The following DLGAP1 variants were observed in gnomAD, a reference collection of about 807,000 sequenced individuals.
DLGAP1 encodes DLG associated protein 1, also known as disks large-associated protein 1.
In DLGAP1, 11 loss-of-function variants were observed where a neutral mutation model predicts 90.8. The observed-to-expected ratio is 0.12, with a 90% CI of 0.08 to 0.20. DLGAP1 has a LOEUF of 0.20. DLGAP1 is among the 10% of genes least tolerant of loss of function. The probability of loss-of-function intolerance (pLI) is 1.00; values close to 1 mark genes in which losing one functional copy is unlikely to be tolerated. For missense variants in DLGAP1, 1,050 were observed against 1,333.8 expected, an observed-to-expected ratio of 0.79 and a Z score of 3.31; for synonymous variants, 558 against 540.7, an observed-to-expected ratio of 1.03 and a Z score of -0.44.
chr18:3,589,602 TC>T (rs1362318027), intron 7 of DLGAP1, among the ~76,000 whole-genome samples: 2 of 152,160 alleles, frequency 1.3e-5, no homozygotes, highest in African/African-American at 4.8e-5. Context: ...TATGCAGATG[TC>T]CCAGAGTCAA....
chr18:4,113,309 G>T (rs2076006025), intron 2 of DLGAP1, among the ~76,000 whole-genome samples: 1 of 152,122 alleles, frequency 6.6e-6, no homozygotes, highest in African/African-American at 2.4e-5. Flanking sequence ...ATTCTGAATG[G>T]TGTGAGATGG....
intron 10 of DLGAP1, among the ~76,000 whole-genome samples, chr18:3,516,096 T>C (rs1178245424): frequency 6.6e-6 from 1 of 152,186 alleles, no homozygotes; most frequent in Non-Finnish European, 1.5e-5. Flanking sequence ...AACCCCTCAG[T>C]CATCCACGAA....
At position 4,357,983 on chromosome 18, in the gene DLGAP1, T is replaced by C. The variant is rs140722430; in HGVS notation, c.-267+97023A>G. On this transcript the variant is annotated intron_variant, in intron 1 of 12. Transcript: ENST00000315677. ...AGATTATAAATATTTACATCTGTGC[T>C]TGCCCAAGGCTGGAGCTTATAACTC... 2.6e-3 allele frequency among the ~76,000 whole-genome samples: 394 copies of C among 152,352 alleles called. 2 individuals carry two copies. Among genetic ancestry groups the C allele is most frequent in the African/African-American group, 9.1e-3 (377 of 41,584 alleles).
intron 2 of DLGAP1, among the ~76,000 whole-genome samples, chr18:4,111,922 G>T (rs2075980017): frequency 6.7e-6 from 1 of 150,180 alleles, no homozygotes; most frequent in Non-Finnish European, 1.5e-5. Flanking sequence ...TTTTGTTTTT[G>T]TTTTTTATTT....
At chr18:4,137,225 T>C (rs2076419729) in intron 2 of DLGAP1, among the ~76,000 whole-genome samples, 1 of 152,216 alleles carries the variant, frequency 6.6e-6, no homozygotes, top group Non-Finnish European at 1.5e-5. Flanking sequence ...ACAAAGGACA[T>C]GAACTCATCA....
chr18:4,283,071 C>T (rs1260360844), intron 1 of DLGAP1, among the ~76,000 whole-genome samples: 1 of 152,116 alleles, frequency 6.6e-6, no homozygotes, highest in Non-Finnish European at 1.5e-5. Context: ...AGATTGCAGG[C>T]TCAATATTAG....
chr18:3,683,907 A>C (rs1363476830), intron 7 of DLGAP1, among the ~76,000 whole-genome samples: 1 of 152,088 alleles, frequency 6.6e-6, no homozygotes, highest in Non-Finnish European at 1.5e-5. Flanking sequence ...TTAATGAAAA[A>C]ATTTCATCTT....
intron 1 of DLGAP1, among the ~76,000 whole-genome samples, chr18:4,304,392 A>G (rs929733241): frequency 1.3e-5 from 2 of 152,210 alleles, no homozygotes; most frequent in African/African-American, 2.4e-5. Flanking sequence ...TATTCAAAAA[A>G]TTTTCAAACA....
intron 1 of DLGAP1, among the ~76,000 whole-genome samples, chr18:4,220,928 T>C (rs1181434838): frequency 6.6e-6 from 1 of 152,182 alleles, no homozygotes. Flanking sequence ...ACTGTGCTTT[T>C]TCTATGTTTA....
At chr18:3,917,395 G>A (rs1317605611) in intron 3 of DLGAP1, among the ~76,000 whole-genome samples, 2 of 152,294 alleles carry the variant, frequency 1.3e-5, no homozygotes, top group East Asian at 3.9e-4. Flanking sequence ...GAAAGCACTG[G>A]ACGTGAGTCT....
chr18:4,130,807 G>C (rs1420905839), intron 2 of DLGAP1, among the ~76,000 whole-genome samples: 1 of 152,132 alleles, frequency 6.6e-6, no homozygotes, highest in Non-Finnish European at 1.5e-5. Context: ...TTTTGGCAAA[G>C]ATCTTTTAAT....
intron 1 of DLGAP1, chr18:4,430,840 C>G (rs1598409405): frequency 6.6e-6 from 1 of 152,342 alleles, no homozygotes; most frequent in Admixed American, 6.6e-5. Flanking sequence ...GAGAAACAAC[C>G]AAGAGTCATC....
chr18:4,170,273 G>C (rs1326534446), intron 1 of DLGAP1, among the ~76,000 whole-genome samples: 1 of 152,196 alleles, frequency 6.6e-6, no homozygotes, highest in Non-Finnish European at 1.5e-5. Context: ...GCTTTAGAAT[G>C]GGATTAATGG....
chr18:4,379,376 A>T (rs1186647448), intron 1 of DLGAP1, among the ~76,000 whole-genome samples: 4 of 152,138 alleles, frequency 2.6e-5, no homozygotes, highest in Non-Finnish European at 4.4e-5. Context: ...GCCATCTTTT[A>T]ATAAATATTT....
chr18:4,177,896 C>A (rs2077137655), intron 1 of DLGAP1, among the ~76,000 whole-genome samples: 1 of 152,088 alleles, frequency 6.6e-6, no homozygotes, highest in Non-Finnish European at 1.5e-5. Flanking sequence ...GATTCCATGT[C>A]TTTGCTATTG....
chr18:3,606,755 C>T (rs1294364402), intron 7 of DLGAP1: 1 of 152,132 alleles, frequency 6.6e-6, no homozygotes, highest in Non-Finnish European at 1.5e-5. Flanking sequence ...TGAAAAAGCA[C>T]CTGCATTATT....
At chr18:4,085,523 G>C (rs536039673) in intron 2 of DLGAP1, among the ~76,000 whole-genome samples, 13 of 152,278 alleles carry the variant, frequency 8.5e-5, no homozygotes, top group Non-Finnish European at 1.8e-4. Context: ...ATCCAGAGTT[G>C]TCACACAGTA....
At chr18:4,406,888 G>A (rs58225804) in intron 1 of DLGAP1, among the ~76,000 whole-genome samples, 16,200 of 152,160 alleles carry the variant, frequency 0.11, 1,281 homozygotes, top group African/African-American at 0.21. Context: ...CAAAAGCTGG[G>A]TAAATATATT....
intron 7 of DLGAP1, among the ~76,000 whole-genome samples, chr18:3,637,301 C>A (rs570798161): frequency 6.6e-6 from 1 of 152,046 alleles, no homozygotes; most frequent in Non-Finnish European, 1.5e-5. Flanking sequence ...TAAAATGATA[C>A]GTGCAAATCC....
Sources: gnomAD v4.1 joint callset for allele counts (sites outside exome capture counted in the v4.1 genomes callset) on GRCh38, gnomAD v4.1.1 for gene constraint, MANE v1.5 for transcripts, NCBI Gene and HGNC (gene_info 2026-07-23, HGNC 2026-07-21) for gene names.